Variants in ADGRG6 observed in about 807,000 individuals in gnomAD.
ADGRG6 encodes G-protein coupled receptor 126.
ADGRG6 carries 84 observed loss-of-function variants against 142.4 expected under a neutral mutation model. The observed-to-expected ratio is 0.59, with a 90% CI of 0.49 to 0.71. The LOEUF (loss-of-function observed/expected upper bound fraction) is 0.71. ADGRG6 is among the 30% of genes least tolerant of loss of function. The pLI is 0.00. For synonymous variants in ADGRG6, 521 were observed against 520.5 expected, an observed-to-expected ratio of 1.00 and a Z score of -0.01; for missense variants, 1,367 against 1,466.6, an observed-to-expected ratio of 0.93 and a Z score of 1.11.
intron 2 of ADGRG6, among the ~76,000 whole-genome samples, chr6:142,365,616 C>T (rs1780909938): frequency 6.6e-6 from 1 of 152,146 alleles, no homozygotes; most frequent in Non-Finnish European, 1.5e-5. Context: ...AAGCATTTGG[C>T]AGACACTTGA....
chr6:142,340,830 G>A (rs754589022), intron 2 of ADGRG6, among the ~76,000 whole-genome samples: 8 of 152,086 alleles, frequency 5.3e-5, no homozygotes, highest in Admixed American at 2.6e-4. Context: ...TGTTTCTGAC[G>A]TTAAGGTGTT....
rs761072078 is a variant in ADGRG6 at position 142,443,317 on chromosome 6, T to A, written c.3575-20T>A. 1.9e-6 allele frequency: 3 copies of A among 1,592,382 alleles called. No individual in the cohort carries two copies. The Middle Eastern group carries it at 5.0e-4, about 266-fold the overall frequency. On this transcript the variant is annotated intron_variant, in intron 24 of 24. Transcript: ENST00000367609. ...CCACCAGCTCATCTTGAACCTAATT[T>A]CTTGTATCATTTCTTGCAGACAGTG...
chr6:142,343,374 G>T (rs2114733385), intron 2 of ADGRG6, among the ~76,000 whole-genome samples: 1 of 151,454 alleles, frequency 6.6e-6, no homozygotes, highest in East Asian at 1.9e-4. Context: ...ATAACATGCA[G>T]AAAAAAATTA....
At position 142,370,978 on chromosome 6, in the gene ADGRG6, A is replaced by G. The variant is rs140324253; in HGVS notation, c.1069+185A>G. 1.6e-3 allele frequency: 978 copies of G among 604,150 alleles called. 2 individuals carry two copies. The highest frequency in any genetic ancestry group is 3.9e-3 in the Middle Eastern group (9 of 2,302). 37.4% of individuals were successfully genotyped at this position (604,150 alleles called of 1,614,324 possible). ...TTAAAATGTCGTCTGCTCAGCTCTT[A>G]TAGCACACATTTGATTATAAGCCAT... On this transcript the variant is annotated intron_variant, in intron 4 of 24. Coordinates refer to ENST00000367609, the MANE Select transcript of ADGRG6 (RefSeq NM_198569.3).
chr6:142,305,046 C>T (rs1777415365), intron 1 of ADGRG6, among the ~76,000 whole-genome samples: 2 of 151,832 alleles, frequency 1.3e-5, no homozygotes, highest in Non-Finnish European at 2.9e-5. Context: ...TAAAATAAGT[C>T]GTTAAGAAAT....
intron 6 of ADGRG6, among the ~76,000 whole-genome samples, chr6:142,386,404 A>G (rs1252412125): frequency 6.6e-6 from 1 of 152,346 alleles, no homozygotes; most frequent in African/African-American, 2.4e-5. Context: ...CTAATATTAA[A>G]CATTGCAGTT....
chr6:142,434,833 A>C (rs1777398447), intron 22 of ADGRG6, among the ~76,000 whole-genome samples: 1 of 152,152 alleles, frequency 6.6e-6, no homozygotes, highest in African/African-American at 2.4e-5. Context: ...GAATCAGCCT[A>C]GTCATTTTAC....
intron 7 of ADGRG6, among the ~76,000 whole-genome samples, chr6:142,392,181 G>T (rs1213824585): frequency 1.3e-5 from 2 of 151,868 alleles, no homozygotes; most frequent in African/African-American, 4.8e-5. Flanking sequence ...TTAAAAGAGA[G>T]GCTAAATGTG....
intron 2 of ADGRG6, among the ~76,000 whole-genome samples, chr6:142,324,528 C>G (rs1778667709): frequency 6.6e-6 from 1 of 152,090 alleles, no homozygotes; most frequent in Admixed American, 6.6e-5. Context: ...AAGTGCTTTG[C>G]CATCTCATGA....
chr6:142,314,333 T>A (rs546702975), intron 2 of ADGRG6, among the ~76,000 whole-genome samples: 1 of 152,304 alleles, frequency 6.6e-6, no homozygotes, highest in South Asian at 2.1e-4. Context: ...TGACACCACT[T>A]AAATGATATT....
At chr6:142,389,192 T>C (rs1266955830) in intron 6 of ADGRG6, among the ~76,000 whole-genome samples, 2 of 151,958 alleles carry the variant, frequency 1.3e-5, no homozygotes, top group Non-Finnish European at 2.9e-5. Context: ...GACATTCCTT[T>C]GGTAGTGGGA....
Position 142,322,549 on chromosome 6 carries a change from A to C in ADGRG6, c.103+12905A>C, listed in dbSNP as rs147774756. On this transcript the variant is annotated intron_variant, in intron 2 of 24. Transcript: ENST00000367609. Reference sequence around the variant, plus strand: ...TTTGGGTTATTCTACCTTTGCCTGAAGGCTCTTTTCCTTGAGAGCTTCTTT... The same window carrying C: ...TTTGGGTTATTCTACCTTTGCCTGACGGCTCTTTTCCTTGAGAGCTTCTTT... Among the ~76,000 whole-genome samples the C allele has an allele frequency of 9.5e-4, 145 of 152,232 alleles. 1 individual carries two copies. Among genetic ancestry groups the C allele is most frequent in the Non-Finnish European group, 1.6e-3 (107 of 68,002 alleles).
At chr6:142,405,886 A>G (rs1775779731) in intron 15 of ADGRG6, 58 bp downstream of exon 15, 1 of 1,281,378 alleles carries the variant, frequency 7.8e-7, no homozygotes, top group Non-Finnish European at 1.1e-6. Flanking sequence ...CTTTGAGCAA[A>G]GAAAACAAAA....
At chr6:142,350,608 A>G (rs1171703008) in intron 2 of ADGRG6, among the ~76,000 whole-genome samples, 1 of 152,192 alleles carries the variant, frequency 6.6e-6, no homozygotes, top group Non-Finnish European at 1.5e-5. Flanking sequence ...TATGCAAAGT[A>G]TGTGCTGAAT....
intron 21 of ADGRG6, among the ~76,000 whole-genome samples, chr6:142,418,584 T>G (rs1341413650): frequency 2.0e-5 from 3 of 152,162 alleles, no homozygotes; most frequent in Non-Finnish European, 2.9e-5. Flanking sequence ...TAAGAGAATT[T>G]TAGAAGTATG....
rs891479335 is a variant in ADGRG6 at position 142,305,461 on chromosome 6, C to G, written c.2+3130C>G. On this transcript the variant is annotated intron_variant, in intron 1 of 24. Coordinates refer to ENST00000367609, the MANE Select transcript of ADGRG6 (RefSeq NM_198569.3). ...ACACACACACACACACACACACACA[C>G]ACACACACAATTTTTTTCTGAACCA... 8.6e-3 allele frequency among the ~76,000 whole-genome samples: 1,288 copies of G among 149,124 alleles called. 23 individuals are homozygous for G. The highest frequency in any genetic ancestry group is 0.031 in the African/African-American group (1,233 of 40,282).
At chr6:142,305,412 C>T (rs564085830) in intron 1 of ADGRG6, among the ~76,000 whole-genome samples, 1 of 147,548 alleles carries the variant, frequency 6.8e-6, no homozygotes, top group Admixed American at 6.8e-5. Context: ...CCTGCCCCCC[C>T]CCACGAGCCC....
chr6:142,411,162 A>G (rs1776058705), intron 17 of ADGRG6, 143 bp from the exon 18 acceptor site: 2 of 543,092 alleles, frequency 3.7e-6, no homozygotes, highest in African/African-American at 1.9e-5. Flanking sequence ...TAAGCATTGA[A>G]AACTTTCATA....
intron 7 of ADGRG6, among the ~76,000 whole-genome samples, chr6:142,391,754 T>G (rs1393949034): frequency 6.6e-6 from 1 of 151,846 alleles, no homozygotes; most frequent in Non-Finnish European, 1.5e-5. Context: ...GTATATTCTT[T>G]CTGTGTATCC....
Sources: allele counts gnomAD v4.1 joint callset (sites outside exome capture counted in the v4.1 genomes callset), GRCh38; gene constraint gnomAD v4.1.1; transcripts MANE v1.5; gene names NCBI Gene and HGNC (gene_info 2026-07-23, HGNC 2026-07-21).